FCRL1: variants seen among roughly 807,000 people sequenced by gnomAD.
The protein encoded by FCRL1 is Fc receptor-like protein 1.
Under a neutral mutation model 49.2 loss-of-function variants are expected in FCRL1, and 34 were observed. The ratio of observed to expected loss-of-function variants is 0.69; its 90% CI spans 0.53 to 0.92. The LOEUF (loss-of-function observed/expected upper bound fraction) is 0.92. Among genes scored for constraint, FCRL1 ranks in the 40% least tolerant of loss-of-function variants. The pLI is 0.00. For missense variants in FCRL1, 524 were observed against 524.1 expected (o/e 1.00, Z 0.00); for synonymous variants, 218 against 201.6 (o/e 1.08, Z -0.69).
chr1:157,798,837 A>G (rs1462093222), intron 7 of FCRL1, among the ~76,000 whole-genome samples: 4 of 152,218 alleles, frequency 2.6e-5, no homozygotes, highest in Non-Finnish European at 5.9e-5. Context: ...CTTACATTCC[A>G]GAAATGTACA....
intron 9 of FCRL1, 79 bp from the exon 10 acceptor site, chr1:157,797,211 T>C (rs1651646264): frequency 7.8e-7 from 1 of 1,278,330 alleles, no homozygotes; most frequent in Admixed American, 1.7e-5. Flanking sequence ...GAAAAGCTTC[T>C]TCCTCTCCCA....
At chr1:157,806,029 T>A (rs1653384741) in intron 2 of FCRL1, among the ~76,000 whole-genome samples, 2 of 152,208 alleles carry the variant, frequency 1.3e-5, no homozygotes, top group Admixed American at 1.3e-4. Context: ...TCAGAGCTTG[T>A]TTCAGATAAT....
In FCRL1 at chr1:157,795,270, G is replaced by T. The variant is rs1369774607; in HGVS notation, c.*829C>A. 1.3e-5 allele frequency: 2 copies of T among 152,166 alleles called. No homozygotes were observed. The highest frequency in any genetic ancestry group is 2.9e-5 in the Non-Finnish European group (2 of 68,036). 9.4% of individuals were successfully genotyped at this position (152,166 alleles called of 1,614,324 possible). On this transcript the variant is annotated 3_prime_UTR_variant, in exon 11 of 11. Coordinates refer to ENST00000368176, the MANE Select transcript of FCRL1 (RefSeq NM_052938.5). ...CTCAGCAGGCTGAGGTGAGAGGTTTGCTTGAGCCTGAGAGGCAGGCGTTGC... is the reference window on the plus strand; with the variant it reads ...CTCAGCAGGCTGAGGTGAGAGGTTTTCTTGAGCCTGAGAGGCAGGCGTTGC...
At chr1:157,802,242 A>T in intron 4 of FCRL1, 49 bp from the exon 5 acceptor site, 1 of 1,585,874 alleles carries the variant, frequency 6.3e-7, no homozygotes, top group Non-Finnish European at 8.6e-7. Flanking sequence ...AATGCAGCAA[A>T]CTCATAATCC....
rs1652480298 is a variant in FCRL1, at chr1:157,801,584, G to GT, written c.887-8_887-7insA. 3.8e-6 allele frequency: 6 copies of GT among 1,585,676 alleles called. No homozygotes were observed. The highest frequency in any genetic ancestry group is 5.2e-6 in the Non-Finnish European group (6 of 1,155,032). On this transcript the variant is annotated splice_region_variant and splice_polypyrimidine_tract_variant and intron_variant, in intron 5 of 10. Coordinates refer to ENST00000368176, the MANE Select transcript of FCRL1 (RefSeq NM_052938.5). ...CTTCTGGCCCCAGTAGGCACTAGAG[G>GT]GAGAGACCTGTGCATGATCTGCTCA...
intron 2 of FCRL1, chr1:157,806,554 G>A (rs568541121): frequency 1.3e-5 from 2 of 152,566 alleles, no homozygotes; most frequent in East Asian, 3.9e-4. Context: ...AAGAGAAAAT[G>A]AGCTGGGGTA....
At chr1:157,812,661 G>A (rs957831801) in intron 1 of FCRL1, among the ~76,000 whole-genome samples, 1 of 152,124 alleles carries the variant, frequency 6.6e-6, no homozygotes, top group African/African-American at 2.4e-5. Context: ...TTGTCTTGGT[G>A]GAAGAGCTGT....
chr1:157,795,982 G>T lies in FCRL1; in HGVS notation c.*117C>A. ...GTAGATGAAGGAATAGTGCCATGGAGAATGGCATCCAGAAGAGGTATACTG... is the reference window on the plus strand; with the variant it reads ...GTAGATGAAGGAATAGTGCCATGGATAATGGCATCCAGAAGAGGTATACTG... On this transcript the variant is annotated 3_prime_UTR_variant, in exon 11 of 11. Coordinates refer to ENST00000368176, the MANE Select transcript of FCRL1 (RefSeq NM_052938.5). The T allele has an allele frequency of 2.3e-6, 2 of 854,010 alleles. No individual in the cohort carries two copies. Among genetic ancestry groups the T allele is most frequent in the Middle Eastern group, 2.3e-4 (1 of 4,418 alleles). 52.9% of individuals were successfully genotyped at this position (854,010 alleles called of 1,614,324 possible).
In FCRL1 at chr1:157,803,281, C is replaced by T. The variant is rs12036409; in HGVS notation, c.319+564G>A. On this transcript the variant is annotated intron_variant, in intron 3 of 10. Transcript: ENST00000368176. ...TTTTGGAAGTATTAGACATTTGCTTCATGGCACGACAGAATGGGAGAGGAT... is the reference window on the plus strand; with the variant it reads ...TTTTGGAAGTATTAGACATTTGCTTTATGGCACGACAGAATGGGAGAGGAT... 3.3e-5 allele frequency among the ~76,000 whole-genome samples: 5 copies of T among 152,326 alleles called. No homozygotes were observed. In the East Asian group the frequency reaches 9.6e-4, roughly 29 times the overall value.
At chr1:157,799,023 CAG>C (rs1372140945) in intron 7 of FCRL1, among the ~76,000 whole-genome samples, 1 of 152,096 alleles carries the variant, frequency 6.6e-6, no homozygotes, top group Non-Finnish European at 1.5e-5. Flanking sequence ...ATTTATGAGA[CAG>C]AGTCTTGCTC....
In FCRL1 at chr1:157,802,054, C is replaced by T; in HGVS notation, c.747G>A (p.Leu249=). The change falls in exon 5 of 11, where the codon CTG becomes CTA. Residue 249 remains leucine (L), a synonymous_variant. Coordinates refer to ENST00000368176, the MANE Select transcript of FCRL1 (RefSeq NM_052938.5). ...LYWFYHEDIT[L]GSRSAPSGGG... ...CTCCAGAGGGGGCCGACCTGCTCCC[C>T]AGGGTGATATCCTCGTGATAAAACC... 1.2e-6 allele frequency: 2 copies of T among 1,614,186 alleles called. No individual in the cohort carries two copies. Among genetic ancestry groups the T allele is most frequent in the East Asian group, 4.5e-5 (2 of 44,872 alleles).
At chr1:157,801,849 G>A (rs1319601692) in intron 5 of FCRL1, 66 bp downstream of exon 5, 8 of 1,545,328 alleles carry the variant, frequency 5.2e-6, no homozygotes, top group Non-Finnish European at 7.0e-6. Flanking sequence ...AGTGGCACCA[G>A]CAAAACTCTC....
At chr1:157,816,810 T>TAGAC (rs1655090076) in intron 1 of FCRL1, among the ~76,000 whole-genome samples, 1 of 151,538 alleles carries the variant, frequency 6.6e-6, no homozygotes, top group South Asian at 2.1e-4. Context: ...GATAGATAGA[T>TAGAC]AGATAGATAG....
intron 3 of FCRL1, among the ~76,000 whole-genome samples, chr1:157,803,601 C>T (rs753193023): frequency 8.5e-5 from 13 of 152,124 alleles, no homozygotes; most frequent in Non-Finnish European, 1.6e-4. Context: ...GCAGCTCTTC[C>T]CCCCACACCC....
At chr1:157,808,401 A>G (rs1156988378) in intron 1 of FCRL1, among the ~76,000 whole-genome samples, 1 of 152,248 alleles carries the variant, frequency 6.6e-6, no homozygotes. Context: ...TGAAATCAGG[A>G]AACAAGCCTT....
In FCRL1 at chr1:157,797,909, G is replaced by A; in HGVS notation, c.1145C>T (p.Ser382Leu). 1 of 1,614,154 alleles carries A rather than the reference G, an allele frequency of 6.2e-7. No homozygotes were observed. The highest frequency in any genetic ancestry group is 8.5e-7 in the Non-Finnish European group (1 of 1,180,022). ...VNVVSGDEVYSLAYYNQPEQE... is the reference protein window; with the variant it reads ...VNVVSGDEVYLLAYYNQPEQE... ...CTCCGGCTGGTTATAGTACGCCAGT[G>A]AATAAACCTCATCCCCACTTACAAC... Residue 382 changes from serine (S) to leucine (L), a missense_variant, in exon 9 of 11, where the codon TCA (serine) becomes TTA (leucine). Coordinates refer to ENST00000368176, the MANE Select transcript of FCRL1 (RefSeq NM_052938.5).
At chr1:157,808,841 T>C (rs1443580529) in intron 1 of FCRL1, among the ~76,000 whole-genome samples, 1 of 152,168 alleles carries the variant, frequency 6.6e-6, no homozygotes, top group Non-Finnish European at 1.5e-5. Context: ...TAGGAATTGC[T>C]TATGGATTAA....
chr1:157,819,997 C>T lies in FCRL1; in HGVS notation c.31+10G>A, dbSNP rs1655574441. 1.1e-5 allele frequency: 18 copies of T among 1,613,842 alleles called. No individual in the cohort carries two copies. The highest frequency in any genetic ancestry group is 2.7e-5 in the African/African-American group (2 of 74,862). On this transcript the variant is annotated intron_variant, in intron 1 of 10. Coordinates refer to ENST00000368176, the MANE Select transcript of FCRL1 (RefSeq NM_052938.5). ...GCATCCCATGCCCTGCTCTGAGTTG[C>T]CCAACTCACCACAGATCAACAGCAA...
At chr1:157,799,298 C>A (rs778564919) in intron 7 of FCRL1, among the ~76,000 whole-genome samples, 14 of 152,264 alleles carry the variant, frequency 9.2e-5, no homozygotes, top group African/African-American at 2.9e-4. Flanking sequence ...CTGTGCCCAG[C>A]CGCAATGTGA....
Sources: gnomAD v4.1 joint callset for allele counts (sites outside exome capture counted in the v4.1 genomes callset) on GRCh38, gnomAD v4.1.1 for gene constraint, MANE v1.5 for transcripts, NCBI Gene and HGNC (gene_info 2026-07-23, HGNC 2026-07-21) for gene names.